The following ADAM15 variants were observed in gnomAD, a reference collection of about 807,000 sequenced individuals.
ADAM15 encodes disintegrin and metalloproteinase domain-containing protein 15.
ADAM15 carries 77 observed loss-of-function variants against 113.8 expected under a neutral mutation model. The observed-to-expected ratio is 0.68, with a 90% CI of 0.56 to 0.82. The LOEUF is 0.82. ADAM15 is among the 40% of genes least tolerant of loss of function. The probability of loss-of-function intolerance (pLI) is 0.00; values close to 1 mark genes in which losing one functional copy is unlikely to be tolerated. For missense variants in ADAM15, 963 were observed against 1,120.1 expected (o/e 0.86, Z 2.00); for synonymous variants, 388 against 454.1 (o/e 0.85, Z 1.85).
In ADAM15 at chr1:155,060,805, G is replaced by A. The variant is rs773669211; in HGVS notation, c.2250G>A (p.Gln750=). The change falls in exon 19 of 23, where the codon CAG becomes CAA. Residue 750 remains glutamine, a synonymous_variant. Coordinates refer to ENST00000356955, the MANE Select transcript of ADAM15 (RefSeq NM_207197.3). ...CCTCTGAACGGCCAGGACCTCCGCAGAGGGCCCTGCTGGCACGAGGCACTA... is the reference window on the plus strand; with the variant it reads ...CCTCTGAACGGCCAGGACCTCCGCAAAGGGCCCTGCTGGCACGAGGCACTA... ...SGPSERPGPP[Q]RALLARGTKQ... The A allele has an allele frequency of 1.2e-6, 2 of 1,612,936 alleles. No homozygotes were observed. The highest frequency in any genetic ancestry group is 2.2e-5 in the South Asian group (2 of 91,090).
At chr1:155,060,091 C>T in intron 17 of ADAM15, 114 bp from the exon 18 acceptor site, 1 of 1,564,156 alleles carries the variant, frequency 6.4e-7, no homozygotes. Flanking sequence ...TGAGTCTGTG[C>T]CCCTTGAACC....
chr1:155,055,129 A>T (rs1323835152), intron 6 of ADAM15, among the ~76,000 whole-genome samples: 1 of 152,122 alleles, frequency 6.6e-6, no homozygotes, highest in Non-Finnish European at 1.5e-5. Flanking sequence ...AGTTGCTGGG[A>T]AGATTAAATA....
chr1:155,053,951 C>G lies in ADAM15; in HGVS notation c.305C>G (p.Pro102Arg). Residue 102 changes from proline to arginine, a missense_variant, in exon 4 of 23, where the codon CCC becomes CGC. Transcript: ENST00000356955. ...CGCCCAACCCTGGTGTGGTACCAGC[C>G]CGATGGCACTCGGGTGGTCAGTGAG... is the stretch of plus-strand genomic sequence containing the variant. Reference protein sequence around the residue: ...PGRPTLVWYQPDGTRVVSEGH... With the variant: ...PGRPTLVWYQRDGTRVVSEGH... 1 of 1,614,196 alleles carries G rather than the reference C, an allele frequency of 6.2e-7. No homozygotes were observed. Among genetic ancestry groups the G allele is most frequent in the Admixed American group, 1.7e-5 (1 of 60,022 alleles).
intron 6 of ADAM15, among the ~76,000 whole-genome samples, 170 bp downstream of exon 6, chr1:155,054,676 G>A (rs142769535): frequency 6.6e-6 from 1 of 152,248 alleles, no homozygotes; most frequent in African/African-American, 2.4e-5. Context: ...TAGGAGGTAG[G>A]TGCTATCAAT....
rs747671542 is a variant in ADAM15 at position 155,056,508 on chromosome 1, A to C, written c.999+38A>C. 27 of 1,592,748 alleles carry C rather than the reference A, an allele frequency of 1.7e-5. No individual in the cohort carries two copies. In the South Asian group the frequency reaches 3.0e-4, roughly 18 times the overall value. On this transcript the variant is annotated intron_variant, in intron 10 of 22. Transcript: ENST00000356955. This position sits in a 1 kb window ranked among gnomAD's most constrained non-coding sequence, Gnocchi z 4.0. ...CAGGTCTCCTCCTCATTCCCAATTC[A>C]GTTCCTCCCAAGTGTGGTGGCATTT...
rs769239711 is a variant in ADAM15, at chr1:155,054,182, A to G, written c.375A>G (p.Gly125=). ...GCTGCTACCAGGGAAGAGTGCGGGG[A>G]TATGCAGGCTCCTGGGTGTCCATCT... is the stretch of plus-strand genomic sequence containing the variant. ...ENCCYQGRVR[G]YAGSWVSICT... The change falls in exon 5 of 23, where the codon GGA becomes GGG. Residue 125 remains glycine (G), a synonymous_variant. Transcript: ENST00000356955. The G allele has an allele frequency of 6.2e-6, 10 of 1,612,444 alleles. No individual in the cohort carries two copies. In the African/African-American group the frequency reaches 1.2e-4, roughly 19 times the overall value.
At position 155,056,386 on chromosome 1, in the gene ADAM15, T is replaced by C; in HGVS notation, c.915T>C (p.Thr305=). 6.2e-7 allele frequency: 1 copy of C among 1,614,086 alleles called. No individual in the cohort carries two copies. The highest frequency in any genetic ancestry group is 2.2e-5 in the East Asian group (1 of 44,878). Residue 305 remains threonine, a splice_region_variant and synonymous_variant, in exon 10 of 23, where the codon ACT becomes ACC. Coordinates refer to ENST00000356955, the MANE Select transcript of ADAM15 (RefSeq NM_207197.3). This position sits in a 1 kb window ranked among gnomAD's most constrained non-coding sequence, Gnocchi z 4.0. ...RLPHDSAQLV[T]GTSFSGPTVG... ...GAACTTTAGCCTCTCTGTCCCACAGTGGTACTTCATTCTCTGGGCCTACGG... is the reference window on the plus strand; with the variant it reads ...GAACTTTAGCCTCTCTGTCCCACAGCGGTACTTCATTCTCTGGGCCTACGG...
At chr1:155,060,454 C>T (rs1662419056) in intron 18 of ADAM15, 111 bp downstream of exon 18, 5 of 1,459,862 alleles carry the variant, frequency 3.4e-6, no homozygotes, top group Non-Finnish European at 3.7e-6. Flanking sequence ...CCCCTTGGAC[C>T]TTAAAGTTGC....
At chr1:155,061,617 A>G (rs972921478) in intron 20 of ADAM15, 128 bp downstream of exon 20, 1 of 1,041,704 alleles carries the variant, frequency 9.6e-7, no homozygotes, top group African/African-American at 1.6e-5. Context: ...CTCAGCCTTC[A>G]GACACTCTGA....
Position 155,051,470 on chromosome 1 carries a change from G to A in ADAM15, c.79+5G>A, listed in dbSNP as rs767561227. The A allele has an allele frequency of 6.4e-7, 1 of 1,561,924 alleles. No homozygotes were observed. Among genetic ancestry groups the A allele is most frequent in the Admixed American group, 1.9e-5 (1 of 51,556 alleles). ...CCTGGCCGCTCCCAAATATAGGTGA[G>A]TCCTCCGCCTGGAGTGGGTCGGGGG... On this transcript the variant is annotated splice_donor_5th_base_variant and intron_variant, in intron 1 of 22. Coordinates refer to ENST00000356955, the MANE Select transcript of ADAM15 (RefSeq NM_207197.3).
intron 16 of ADAM15, 76 bp from the exon 17 acceptor site, chr1:155,059,826 G>A: frequency 1.3e-6 from 2 of 1,496,352 alleles, no homozygotes; most frequent in Non-Finnish European, 1.9e-6. Flanking sequence ...GTAGAAATCT[G>A]AGATCTTGAA....
chr1:155,058,009 C>T lies in ADAM15; in HGVS notation c.1575C>T (p.Ala525=). ...CTGTGTGCATGCACGGGCGTTGTGCCTCCTATGCCCAGCAGTGCCAGTCAC... is the reference window on the plus strand; with the variant it reads ...CTGTGTGCATGCACGGGCGTTGTGCTTCCTATGCCCAGCAGTGCCAGTCAC... ...GQAVCMHGRC[A]SYAQQCQSLW... is the part of the protein sequence containing the mutation. Residue 525 remains alanine (A), a synonymous_variant, in exon 14 of 23, where the codon GCC becomes GCT. Coordinates refer to ENST00000356955, the MANE Select transcript of ADAM15 (RefSeq NM_207197.3). The surrounding 1 kb of genome is among the most constrained non-coding windows in gnomAD (Gnocchi z 4.3). 1.2e-6 allele frequency: 2 copies of T among 1,613,896 alleles called. No individual in the cohort carries two copies. Among genetic ancestry groups the T allele is most frequent in the Admixed American group, 1.7e-5 (1 of 60,034 alleles).
chr1:155,062,268 A>C lies in ADAM15; in HGVS notation c.2448A>C (p.Pro816=), dbSNP rs755612138. The C allele has an allele frequency of 6.9e-7, 1 of 1,456,568 alleles. No individual in the cohort carries two copies. The highest frequency in any genetic ancestry group is 9.1e-7 in the Non-Finnish European group (1 of 1,102,264). 90.2% of individuals were successfully genotyped at this position (1,456,568 alleles called of 1,614,324 possible). Residue 816 remains proline, a synonymous_variant, in exon 22 of 23, where the codon CCA becomes CCC. Coordinates refer to ENST00000356955, the MANE Select transcript of ADAM15 (RefSeq NM_207197.3). The surrounding 1 kb of genome is among the most constrained non-coding windows in gnomAD (Gnocchi z 7.0). ...SPKSQGPAKP[P]PPRKPLPADP... is the part of the protein sequence containing the mutation. ...AGTCTCAGGGGCCAGCCAAGCCCCC[A>C]CCCCCAAGGAAGCCACTGCCTGCCG...
Position 155,057,404 on chromosome 1 carries a change from C to G in ADAM15, c.1323+42C>G. 1 of 1,609,272 alleles carries G rather than the reference C, an allele frequency of 6.2e-7. No homozygotes were observed. Among genetic ancestry groups the G allele is most frequent in the Admixed American group, 1.7e-5 (1 of 59,870 alleles). ...AAGCCTCGCCCCACTCACTTCTGTA[C>G]CCTCACCCTGGCTCATTAGCCCTAT... On this transcript the variant is annotated intron_variant, in intron 12 of 22. Transcript: ENST00000356955. This position sits in a 1 kb window ranked among gnomAD's most constrained non-coding sequence, Gnocchi z 5.0.
At chr1:155,061,752 C>A in intron 20 of ADAM15, 152 bp from the exon 21 acceptor site, 1 of 934,780 alleles carries the variant, frequency 1.1e-6, no homozygotes, top group Non-Finnish European at 1.6e-6. Context: ...GAGACATCAG[C>A]TGGCATGCCT....
In ADAM15 at chr1:155,055,930, A is replaced by G. The variant is rs1661702272; in HGVS notation, c.676-2A>G. 6.2e-7 allele frequency: 1 copy of G among 1,614,094 alleles called. No homozygotes were observed. Among genetic ancestry groups the G allele is most frequent in the South Asian group, 1.1e-5 (1 of 91,074 alleles). On this transcript the variant is annotated splice_acceptor_variant, in intron 7 of 22. Coordinates refer to ENST00000356955, the MANE Select transcript of ADAM15 (RefSeq NM_207197.3). LOFTEE classifies it high-confidence loss of function. ...TTTCATGTCACCTCTCTTGGCCTAC[A>G]GGCCCAGAAATACCGGGACTTCCAG...
chr1:155,058,193 A>G lies in ADAM15; in HGVS notation c.1721+38A>G. ...ACCTGGCTCCTCCTTTGGGTTTCTG[A>G]GAGCCTTGGCCCTGCTCCTACTAAC... is the stretch of plus-strand genomic sequence containing the variant. On this transcript the variant is annotated intron_variant, in intron 14 of 22. Coordinates refer to ENST00000356955, the MANE Select transcript of ADAM15 (RefSeq NM_207197.3). The surrounding 1 kb of genome is among the most constrained non-coding windows in gnomAD (Gnocchi z 4.3). 1 of 1,611,704 alleles carries G rather than the reference A, an allele frequency of 6.2e-7. No homozygotes were observed. The highest frequency in any genetic ancestry group is 8.5e-7 in the Non-Finnish European group (1 of 1,178,486).
chr1:155,061,621 A>G, intron 20 of ADAM15, 132 bp downstream of exon 20: 1 of 1,013,380 alleles, frequency 9.9e-7, no homozygotes, highest in Non-Finnish European at 1.4e-6. Context: ...GCCTTCAGAC[A>G]CTCTGAGCCC....
At chr1:155,053,112 C>G (rs949194905) in intron 2 of ADAM15, among the ~76,000 whole-genome samples, 11 of 126,716 alleles carry the variant, frequency 8.7e-5, no homozygotes, top group East Asian at 2.8e-4. Context: ...ACCAAACCCC[C>G]CCCCCCCCAC....
Sources: allele counts gnomAD v4.1 joint callset (sites outside exome capture counted in the v4.1 genomes callset), GRCh38; gene constraint gnomAD v4.1.1; non-coding constraint Gnocchi (gnomAD v3.1); transcripts MANE v1.5; gene names NCBI Gene and HGNC (gene_info 2026-07-23, HGNC 2026-07-21).